The following ABL2 variants were observed in gnomAD, a reference collection of about 807,000 sequenced individuals.
ABL2 encodes the protein ABL proto-oncogene 2, non-receptor tyrosine kinase.
ABL2 carries 49 observed loss-of-function variants against 107.7 expected under a neutral mutation model. The observed-to-expected ratio is 0.45, with a 90% confidence interval of 0.36 to 0.58. The LOEUF is 0.58. Among genes scored for constraint, ABL2 ranks in the 20% least tolerant of loss-of-function variants. The pLI is 0.00. For synonymous variants in ABL2, 549 were observed against 548.6 expected (o/e 1.00, Z -0.01); for missense variants, 1,245 against 1,457.0 (o/e 0.85, Z 2.37).
At chr1:179,157,484 G>A (rs1284140426) in intron 1 of ABL2, among the ~76,000 whole-genome samples, 11 of 151,288 alleles carry the variant, frequency 7.3e-5, no homozygotes, top group Non-Finnish European at 1.5e-4. Context: ...GTAACAGAGG[G>A]AGACTGTCTC....
At chr1:179,142,980 C>T (rs376121719) in intron 1 of ABL2, 175 of 1,614,044 alleles carry the variant, frequency 1.1e-4, no homozygotes, top group Non-Finnish European at 1.4e-4. Flanking sequence ...GCACAGGCAG[C>T]AAAGTGAAGT....
intron 3 of ABL2, among the ~76,000 whole-genome samples, chr1:179,127,076 T>C (rs1277829150): frequency 6.6e-6 from 1 of 152,192 alleles, no homozygotes; most frequent in East Asian, 1.9e-4. Context: ...TTATATATGA[T>C]TCAATGTTAA....
At chr1:179,112,185 TA>T in intron 10 of ABL2, 123 bp downstream of exon 10, 2 of 750,950 alleles carry the variant, frequency 2.7e-6, no homozygotes, top group East Asian at 5.4e-5. Context: ...TCCTTGTAGT[TA>T]AAAGTTGAAA....
At chr1:179,223,246 C>G (rs1162949004) in intron 1 of ABL2, among the ~76,000 whole-genome samples, 1 of 151,616 alleles carries the variant, frequency 6.6e-6, no homozygotes, top group Non-Finnish European at 1.5e-5. Context: ...AAGACCCCAT[C>G]TCTACAGAAA....
intron 1 of ABL2, among the ~76,000 whole-genome samples, chr1:179,142,344 C>T (rs144830051): frequency 5.7e-4 from 87 of 152,174 alleles, no homozygotes; most frequent in African/African-American, 1.8e-3. Flanking sequence ...AGAATAGCCA[C>T]TTGTACAAAG....
Position 179,106,780 on chromosome 1 carries a change from G to A in ABL2, c.*938C>T, listed in dbSNP as rs147487344. 129 of 231,882 alleles carry A rather than the reference G, an allele frequency of 5.6e-4. No individual in the cohort carries two copies. The highest frequency in any genetic ancestry group is 2.8e-3 in the African/African-American group (125 of 45,390). 14.4% of individuals were successfully genotyped at this position (231,882 alleles called of 1,614,324 possible). ...TCCTTGGCCAGTATGTCAGTATGCA[G>A]GGGAACTGTATCAGAACAGGATTCA... On this transcript the variant is annotated 3_prime_UTR_variant, in exon 12 of 12. Transcript: ENST00000502732.
chr1:179,220,210 A>T (rs1265336422), intron 1 of ABL2, among the ~76,000 whole-genome samples: 2 of 152,224 alleles, frequency 1.3e-5, no homozygotes, highest in African/African-American at 4.8e-5. Flanking sequence ...TCATCTACAA[A>T]ATGGGAAGAT....
At chr1:179,180,695 T>A (rs1010521994) in intron 1 of ABL2, among the ~76,000 whole-genome samples, 7 of 152,190 alleles carry the variant, frequency 4.6e-5, no homozygotes, top group Non-Finnish European at 1.0e-4. Context: ...TATTAAAACA[T>A]CTGATAACAA....
At chr1:179,224,154 A>C (rs931876702) in intron 1 of ABL2, among the ~76,000 whole-genome samples, 1 of 150,358 alleles carries the variant, frequency 6.7e-6, no homozygotes, top group Admixed American at 6.6e-5. Context: ...AAAAAAAAAA[A>C]AAAACTACAG....
intron 1 of ABL2, among the ~76,000 whole-genome samples, chr1:179,193,552 C>T (rs1276479289): frequency 1.3e-5 from 2 of 151,946 alleles, no homozygotes; most frequent in African/African-American, 4.8e-5. Context: ...TAACAAGCGC[C>T]TGCGACCACG....
At chr1:179,138,848 G>A (rs1278323270) in intron 1 of ABL2, among the ~76,000 whole-genome samples, 3 of 152,244 alleles carry the variant, frequency 2.0e-5, no homozygotes, top group African/African-American at 4.8e-5. Flanking sequence ...AGGGAGAGGC[G>A]CCAGCAGGAA....
At chr1:179,134,031 T>A (rs1449621933) in intron 1 of ABL2, among the ~76,000 whole-genome samples, 2 of 152,204 alleles carry the variant, frequency 1.3e-5, no homozygotes, top group Non-Finnish European at 2.9e-5. Context: ...GCTGCATTAA[T>A]ACTCTATCTT....
intron 1 of ABL2, among the ~76,000 whole-genome samples, chr1:179,187,027 C>T (rs1300485945): frequency 1.3e-5 from 2 of 152,170 alleles, no homozygotes; most frequent in Non-Finnish European, 1.5e-5. Flanking sequence ...CCACCACGCC[C>T]GGCCCCATTA....
At chr1:179,226,043 C>CAAAAAAAAA (rs1194438803) in intron 1 of ABL2, among the ~76,000 whole-genome samples, 2 of 45,686 alleles carry the variant, frequency 4.4e-5, no homozygotes, top group African/African-American at 9.0e-5. Flanking sequence ...GACTCCGCCT[C>CAAAAAAAAA]AAAAAAAAAA....
chr1:179,134,430 C>T (rs1656642689), intron 1 of ABL2, among the ~76,000 whole-genome samples: 1 of 151,712 alleles, frequency 6.6e-6, no homozygotes, highest in Admixed American at 6.6e-5. Flanking sequence ...GCCATGGAGG[C>T]TGCGTGGAGG....
chr1:179,109,417 G>A lies in ABL2; in HGVS notation c.1850C>T (p.Ser617Phe). 1 of 1,613,820 alleles carries A rather than the reference G, an allele frequency of 6.2e-7. No homozygotes were observed. Among genetic ancestry groups the A allele is most frequent in the Non-Finnish European group, 8.5e-7 (1 of 1,179,910 alleles). The part of the protein sequence containing the change: ...APGFIRGAQA[S>F]SGSPALPRKQ... Reference sequence around the variant, plus strand: ...TCGAGGCAGTGCTGGGGATCCACTAGAGGCCTGTGCACCTCTGATGAACCC... The same window carrying A: ...TCGAGGCAGTGCTGGGGATCCACTAAAGGCCTGTGCACCTCTGATGAACCC... The change falls in exon 12 of 12, where the codon TCT becomes TTT. Residue 617 changes from serine (S) to phenylalanine (F), a missense_variant. Physicochemically the swap from Ser to Phe is radical, Grantham distance 155 (BLOSUM62 -2). Around this residue, in one of 3 missense-constraint regions of ABL2, gnomAD observed 761 missense variants for 766.4 expected, o/e 0.99. Coordinates refer to ENST00000502732, the MANE Select transcript of ABL2 (RefSeq NM_007314.4).
intron 1 of ABL2, among the ~76,000 whole-genome samples, chr1:179,193,908 G>T (rs939262366): frequency 1.1e-4 from 16 of 151,916 alleles, no homozygotes; most frequent in African/African-American, 3.6e-4. Context: ...CTAATTTTTT[G>T]TATTTTTTTA....
In ABL2 at chr1:179,172,359, T is replaced by C. The variant is rs184300908; in HGVS notation, c.158-38985A>G. Among the ~76,000 whole-genome samples the C allele has an allele frequency of 3.3e-5, 5 of 152,298 alleles. No homozygotes were observed. The East Asian group carries it at 7.7e-4, about 23-fold the overall frequency. ...ACACATACGCAAATGTGTATGTGCA[T>C]GCACATTGTTCTAAGTCAGTCTTTT... is the stretch of plus-strand genomic sequence containing the variant. On this transcript the variant is annotated intron_variant, in intron 1 of 11. Coordinates refer to ENST00000502732, the MANE Select transcript of ABL2 (RefSeq NM_007314.4).
rs563875942 is a variant in ABL2 at position 179,210,525 on chromosome 1, A to G, written c.157+18716T>C. ...TCACAAAAAAAAAAAAAAAGAAAAA[A>G]AAAAGCTTTAAGAGAAAAATTTTTA... is the stretch of plus-strand genomic sequence containing the variant. On this transcript the variant is annotated intron_variant, in intron 1 of 11. Coordinates refer to ENST00000502732, the MANE Select transcript of ABL2 (RefSeq NM_007314.4). Among the ~76,000 whole-genome samples, 353 of 151,554 alleles carry G rather than the reference A, an allele frequency of 2.3e-3. 1 individual carries two copies. The highest frequency in any genetic ancestry group is 8.3e-3 in the African/African-American group (343 of 41,384).
Sources: gnomAD v4.1 joint callset for allele counts (sites outside exome capture counted in the v4.1 genomes callset) on GRCh38, gnomAD v4.1.1 for gene constraint, gnomAD v4.1.1 regional missense constraint, MANE v1.5 for transcripts, NCBI Gene and HGNC (gene_info 2026-07-23, HGNC 2026-07-21) for gene names.